Variants in RIMBP2 observed in about 807,000 individuals in gnomAD.
RIMBP2 encodes RIMS-binding protein 2.
In RIMBP2, 48 loss-of-function variants were observed where a neutral mutation model predicts 118.6. That is an observed-to-expected ratio of 0.40 (90% CI 0.32 to 0.51). The LOEUF (loss-of-function observed/expected upper bound fraction) is 0.51, where lower values mean the gene tolerates loss of function less well. Ranked by LOEUF, RIMBP2 falls within the 20% of genes least tolerant of loss-of-function variation. RIMBP2 has a pLI of 0.41. For missense variants in RIMBP2, 1,551 were observed against 1,768.3 expected, an observed-to-expected ratio of 0.88 and a Z score of 2.20; for synonymous variants, 762 against 742.9, an observed-to-expected ratio of 1.03 and a Z score of -0.42.
At position 130,396,528 on chromosome 12, in the gene RIMBP2, C is replaced by T. The variant is rs538273316; in HGVS notation, c.*833G>A. The T allele has an allele frequency of 6.4e-4, 98 of 152,714 alleles. No individual in the cohort carries two copies. Among genetic ancestry groups the T allele is most frequent in the African/African-American group, 2.1e-3 (88 of 41,570 alleles). 9.5% of individuals were successfully genotyped at this position (152,714 alleles called of 1,614,324 possible). On this transcript the variant is annotated 3_prime_UTR_variant, in exon 23 of 23. Coordinates refer to ENST00000690449, the MANE Select transcript of RIMBP2 (RefSeq NM_001393629.1). ...TAAATTGAGTCTGGTTTTGGTGTGG[C>T]TTATGCATTATGTGGATTACTTGTG...
intron 1 of RIMBP2, among the ~76,000 whole-genome samples, chr12:130,678,038 A>G (rs540482186): frequency 1.3e-5 from 2 of 152,316 alleles, no homozygotes; most frequent in Non-Finnish European, 1.5e-5. Flanking sequence ...TTCTTGGCAG[A>G]ACAAAGGACT....
chr12:130,453,994 TACTGAGCCGAGATC>T (rs1639565387), intron 7 of RIMBP2, among the ~76,000 whole-genome samples: 1 of 151,312 alleles, frequency 6.6e-6, no homozygotes, highest in Non-Finnish European at 1.5e-5. Context: ...GCGGGGCTTG[TACTGAGCCGAGATC>T]ACACCATTGC....
intron 1 of RIMBP2, among the ~76,000 whole-genome samples, chr12:130,693,167 G>A (rs964326548): frequency 6.6e-6 from 1 of 152,060 alleles, no homozygotes; most frequent in African/African-American, 2.4e-5. Context: ...ACACTCGTCT[G>A]TCTCCCCACC....
intron 2 of RIMBP2, among the ~76,000 whole-genome samples, chr12:130,528,746 G>A (rs1185014611): frequency 6.6e-6 from 1 of 152,198 alleles, no homozygotes; most frequent in Admixed American, 6.5e-5. Context: ...AACACAGGCA[G>A]CCCCAAAGGG....
At chr12:130,712,117 A>G (rs1949961607) in intron 1 of RIMBP2, among the ~76,000 whole-genome samples, 1 of 152,220 alleles carries the variant, frequency 6.6e-6, no homozygotes, top group Non-Finnish European at 1.5e-5. Flanking sequence ...TGGGTGAGTG[A>G]GTGAGTGAGG....
Position 130,424,133 on chromosome 12 carries a change from G to A in RIMBP2, c.3129+9C>T, listed in dbSNP as rs2076602640. ...AAGCGGCTGTGAAAAGGAAGTTTAG[G>A]TCACACACCAGGGGGCCTTGTGCGA... On this transcript the variant is annotated intron_variant, in intron 16 of 22. Coordinates refer to ENST00000690449, the MANE Select transcript of RIMBP2 (RefSeq NM_001393629.1). This position sits in a 1 kb window ranked among gnomAD's most constrained non-coding sequence, Gnocchi z 9.8. The A allele has an allele frequency of 8.2e-7, 1 of 1,223,158 alleles. No individual in the cohort carries two copies. Among genetic ancestry groups the A allele is most frequent in the Non-Finnish European group, 1.0e-6 (1 of 979,888 alleles). The allele number at this position is 1,223,158 out of a possible 1,614,324, so 75.8% of individuals were successfully genotyped here.
At chr12:130,406,291 A>T (rs755190108) in intron 20 of RIMBP2, 48 bp from the exon 21 acceptor site, 11 of 1,299,054 alleles carry the variant, frequency 8.5e-6, no homozygotes. Flanking sequence ...ACACAACAGT[A>T]GTAGTTTTTT....
chr12:130,615,397 A>G (rs2060868018), intron 2 of RIMBP2, among the ~76,000 whole-genome samples: 1 of 149,830 alleles, frequency 6.7e-6, no homozygotes, highest in Admixed American at 6.7e-5. Flanking sequence ...TGCAACCTCT[A>G]CCTCCCGGGT....
At chr12:130,510,595 A>G (rs562109705) in intron 3 of RIMBP2, among the ~76,000 whole-genome samples, 16 of 152,056 alleles carry the variant, frequency 1.1e-4, no homozygotes, top group East Asian at 3.9e-4. Context: ...CAGCCTCCCA[A>G]GTAGCTGGGG....
chr12:130,483,830 G>A (rs1179055098), intron 4 of RIMBP2, among the ~76,000 whole-genome samples: 1 of 82,348 alleles, frequency 1.2e-5, no homozygotes, highest in East Asian at 3.3e-4. Flanking sequence ...CCGGAGCCCC[G>A]ACCCTCACCT....
chr12:130,706,274 A>G lies in RIMBP2; in HGVS notation c.-352+9948T>C, dbSNP rs996420952. 1.1e-4 allele frequency among the ~76,000 whole-genome samples: 16 copies of G among 152,272 alleles called. 1 individual carries two copies. The highest frequency in any genetic ancestry group is 3.6e-4 in the African/African-American group (15 of 41,474). On this transcript the variant is annotated intron_variant, in intron 1 of 22. Coordinates refer to ENST00000690449, the MANE Select transcript of RIMBP2 (RefSeq NM_001393629.1). ...TCTTTATTGAGTGTTGCAAGATACTAAGCACTTTTCCCCAGTGAATGCCTT... is the reference window on the plus strand; with the variant it reads ...TCTTTATTGAGTGTTGCAAGATACTGAGCACTTTTCCCCAGTGAATGCCTT...
chr12:130,672,639 C>T (rs2064252292), intron 1 of RIMBP2, among the ~76,000 whole-genome samples: 1 of 152,184 alleles, frequency 6.6e-6, no homozygotes, highest in South Asian at 2.1e-4. Context: ...GCAAAACCTC[C>T]ACGGGGGGTT....
intron 2 of RIMBP2, among the ~76,000 whole-genome samples, chr12:130,542,203 T>C (rs970489743): frequency 6.8e-6 from 1 of 146,444 alleles, no homozygotes; most frequent in Admixed American, 8.1e-5. Flanking sequence ...GAGGCCTTAA[T>C]GATGTGAAAG....
Position 130,437,092 on chromosome 12 carries a change from A to G in RIMBP2, c.1856T>C (p.Leu619Ser), listed in dbSNP as rs1229891204. ...GGTTTCGGGGACTCCAGAACTTGCTAATGGCTTTGATTGGGGTGCAGGTCT... is the reference window on the plus strand; with the variant it reads ...GGTTTCGGGGACTCCAGAACTTGCTGATGGCTTTGATTGGGGTGCAGGTCT... ...HPRPAPQSKPLASSGVPETKD... is the reference protein window; with the variant it reads ...HPRPAPQSKPSASSGVPETKD... Residue 619 changes from leucine (L) to serine (S), a missense_variant, in exon 13 of 23, where the codon TTA (leucine) becomes TCA (serine). Coordinates refer to ENST00000690449, the MANE Select transcript of RIMBP2 (RefSeq NM_001393629.1). The G allele has an allele frequency of 6.3e-7, 1 of 1,575,844 alleles. No homozygotes were observed. Among genetic ancestry groups the G allele is most frequent in the East Asian group, 2.3e-5 (1 of 44,176 alleles).
At chr12:130,439,487 ATGTG>A (rs1185285146) in intron 11 of RIMBP2, among the ~76,000 whole-genome samples, 226 of 110,678 alleles carry the variant, frequency 2.0e-3, no homozygotes, top group Non-Finnish European at 6.5e-4. Context: ...ATGTGTGTGT[ATGTG>A]TGTGTGCGTG....
chr12:130,670,444 C>T lies in RIMBP2; in HGVS notation c.-351-41988G>A, dbSNP rs911549254. On this transcript the variant is annotated intron_variant, in intron 1 of 22. Transcript: ENST00000690449. This position sits in a 1 kb window ranked among gnomAD's most constrained non-coding sequence, Gnocchi z 4.9. ...CATGAACACGCCAGCCCTGCTCTCT[C>T]TCCTAGCTCTGGGCCCAAGGCCTTG... 6.6e-6 allele frequency among the ~76,000 whole-genome samples: 1 copy of T among 152,198 alleles called. No individual in the cohort carries two copies. The highest frequency in any genetic ancestry group is 1.5e-5 in the Non-Finnish European group (1 of 68,032).
chr12:130,704,781 C>T (rs7294881), intron 1 of RIMBP2, among the ~76,000 whole-genome samples: 22,639 of 151,994 alleles, frequency 0.15, 2,631 homozygotes, highest in African/African-American at 0.33. Flanking sequence ...ACCTGCAAGA[C>T]GGGCCGAGGC....
At chr12:130,540,174 A>G (rs533271081) in intron 2 of RIMBP2, among the ~76,000 whole-genome samples, 1 of 152,116 alleles carries the variant, frequency 6.6e-6, no homozygotes, top group Non-Finnish European at 1.5e-5. Flanking sequence ...AAACCAGTGC[A>G]GGGCTGAGAG....
chr12:130,464,400 C>A lies in RIMBP2; in HGVS notation c.153+6293G>T, dbSNP rs61935943. Among the ~76,000 whole-genome samples the A allele has an allele frequency of 1.7e-3, 263 of 151,562 alleles. 2 individuals are homozygous for A. The highest frequency in any genetic ancestry group is 3.2e-3 in the Non-Finnish European group (215 of 67,836). On this transcript the variant is annotated intron_variant, in intron 6 of 22. Coordinates refer to ENST00000690449, the MANE Select transcript of RIMBP2 (RefSeq NM_001393629.1). ...AATACCTACTATGTGCCAGGCCCTA[C>A]GTGATTTCATTGATCACTGGCTGAA...
Sources: gnomAD v4.1 joint callset for allele counts (sites outside exome capture counted in the v4.1 genomes callset) on GRCh38, gnomAD v4.1.1 for gene constraint, Gnocchi (gnomAD v3.1) non-coding constraint, MANE v1.5 for transcripts, NCBI Gene and HGNC (gene_info 2026-07-23, HGNC 2026-07-21) for gene names.